The following RBFOX1 variants were observed in gnomAD, a reference collection of about 807,000 sequenced individuals.
RBFOX1 encodes RNA binding fox-1 homolog 1, also known as RNA binding protein fox-1 homolog 1.
A neutral mutation model predicts 57.7 loss-of-function variants in RBFOX1; 8 were observed. That is an observed-to-expected ratio of 0.14 (90% CI 0.08 to 0.25). RBFOX1 has a LOEUF of 0.25. RBFOX1 is among the 10% of genes least tolerant of loss of function. The pLI is 1.00. For missense variants in RBFOX1, 611 were observed against 548.5 expected, an observed-to-expected ratio of 1.11 and a Z score of -1.14; for synonymous variants, 326 against 222.4, an observed-to-expected ratio of 1.47 and a Z score of -4.15.
At chr16:6,049,005 ATC>A (rs2152431576) in intron 1 of RBFOX1, among the ~76,000 whole-genome samples, 1 of 142,140 alleles carries the variant, frequency 7.0e-6, no homozygotes, top group South Asian at 2.4e-4. Context: ...CATTTTGATG[ATC>A]ATCCTTGTGC....
intron 4 of RBFOX1, among the ~76,000 whole-genome samples, chr16:7,504,517 A>G (rs1220267491): frequency 6.7e-6 from 1 of 150,206 alleles, no homozygotes; most frequent in Non-Finnish European, 1.5e-5. Flanking sequence ...TCTCACAAAT[A>G]TCACCTCTTA....
chr16:5,967,968 C>T (rs551351795), intron 4 of RBFOX1, among the ~76,000 whole-genome samples: 32 of 152,280 alleles, frequency 2.1e-4, no homozygotes, highest in African/African-American at 7.5e-4. Context: ...ATATATGTTA[C>T]TTATGACTAC....
intron 1 of RBFOX1, among the ~76,000 whole-genome samples, chr16:6,155,168 G>T (rs2096829709): frequency 1.3e-5 from 2 of 152,196 alleles, no homozygotes; most frequent in South Asian, 4.1e-4. Flanking sequence ...GGAAAAAGTA[G>T]TCCGGAGTGA....
chr16:7,106,950 G>A (rs17142279), intron 4 of RBFOX1, among the ~76,000 whole-genome samples: 1,439 of 130,066 alleles, frequency 0.011, 13 homozygotes, highest in Middle Eastern at 0.02. Flanking sequence ...CTAATCCTAC[G>A]AAGCTTGCAT....
At chr16:5,980,197 GC>G (rs754454442) in intron 4 of RBFOX1, among the ~76,000 whole-genome samples, 57 of 152,330 alleles carry the variant, frequency 3.7e-4, no homozygotes, top group Admixed American at 1.2e-3. Context: ...GTGTTAAAAT[GC>G]TTTAATGTCT....
intron 3 of RBFOX1, among the ~76,000 whole-genome samples, chr16:5,745,846 G>T (rs538732210): frequency 2.8e-4 from 43 of 152,136 alleles, no homozygotes; most frequent in African/African-American, 8.9e-4. Flanking sequence ...TACCCCTTTG[G>T]CAGATGAGTA....
chr16:5,608,584 A>G (rs538035815), intron 3 of RBFOX1, among the ~76,000 whole-genome samples: 2 of 152,330 alleles, frequency 1.3e-5, no homozygotes, highest in East Asian at 3.9e-4. Context: ...TCAACGAGTT[A>G]ATATAGGTAA....
chr16:5,427,850 C>T (rs1454960734), intron 1 of RBFOX1, among the ~76,000 whole-genome samples: 3 of 152,138 alleles, frequency 2.0e-5, no homozygotes, highest in Non-Finnish European at 2.9e-5. Context: ...ACAAAACTAC[C>T]CTCCCAGAAA....
intron 4 of RBFOX1, among the ~76,000 whole-genome samples, chr16:7,292,637 C>T (rs1173271454): frequency 6.6e-6 from 1 of 151,140 alleles, no homozygotes; most frequent in Non-Finnish European, 1.5e-5. Context: ...CGAAGTGATG[C>T]CAAGCGAGAG....
At chr16:7,434,979 A>G (rs753185492) in intron 4 of RBFOX1, among the ~76,000 whole-genome samples, 26 of 152,132 alleles carry the variant, frequency 1.7e-4, no homozygotes, top group Admixed American at 5.2e-4. Flanking sequence ...ACCTTCAGTG[A>G]TCCGCCTGCC....
chr16:5,701,060 T>C (rs1344136), intron 3 of RBFOX1, among the ~76,000 whole-genome samples: 4 of 152,224 alleles, frequency 2.6e-5, no homozygotes, highest in African/African-American at 9.7e-5. Flanking sequence ...TTTTCTTCTT[T>C]TAATAGCCTC....
chr16:5,339,846 C>G (rs2064995913), intron 1 of RBFOX1, among the ~76,000 whole-genome samples: 1 of 152,004 alleles, frequency 6.6e-6, no homozygotes. Context: ...AGAGCTTTCC[C>G]AGCCCGGGGA....
chr16:6,838,527 A>T (rs1379491072), intron 3 of RBFOX1, among the ~76,000 whole-genome samples: 2 of 152,180 alleles, frequency 1.3e-5, no homozygotes, highest in Non-Finnish European at 2.9e-5. Context: ...TGCAACTGCA[A>T]AACTGCTTCT....
intron 4 of RBFOX1, among the ~76,000 whole-genome samples, chr16:5,965,173 C>A (rs9936018): frequency 0.039 from 5,984 of 152,168 alleles, 384 homozygotes; most frequent in African/African-American, 0.13. Flanking sequence ...TCTGTTTATA[C>A]CACACAGTAT....
At chr16:7,609,664 C>G (rs1484227143) in intron 10 of RBFOX1, among the ~76,000 whole-genome samples, 1 of 152,148 alleles carries the variant, frequency 6.6e-6, no homozygotes, top group Non-Finnish European at 1.5e-5. Context: ...TGGCGATTTT[C>G]CAAATGAGGA....
At chr16:5,989,350 A>C (rs1300241059) in intron 4 of RBFOX1, among the ~76,000 whole-genome samples, 5 of 151,914 alleles carry the variant, frequency 3.3e-5, no homozygotes, top group Non-Finnish European at 7.4e-5. Flanking sequence ...GAACAAAACA[A>C]ACAAAAAAAC....
chr16:5,829,951 G>T (rs980166974), intron 3 of RBFOX1, among the ~76,000 whole-genome samples: 5 of 152,302 alleles, frequency 3.3e-5, no homozygotes, highest in Admixed American at 1.3e-4. Flanking sequence ...AAGACCCTTA[G>T]GAGCAAGGAT....
At chr16:7,105,073 C>A (rs1025712480) in intron 4 of RBFOX1, among the ~76,000 whole-genome samples, 1 of 152,090 alleles carries the variant, frequency 6.6e-6, no homozygotes, top group Non-Finnish European at 1.5e-5. Context: ...TAGCTGAGCC[C>A]TTTGAGCTGA....
At chr16:5,538,906 C>G (rs1241856246) in intron 2 of RBFOX1, among the ~76,000 whole-genome samples, 1 of 151,662 alleles carries the variant, frequency 6.6e-6, no homozygotes, top group Non-Finnish European at 1.5e-5. Context: ...GATTCTGACA[C>G]CTTGCACAAT....
Sources: gnomAD v4.1 joint callset for allele counts (sites outside exome capture counted in the v4.1 genomes callset) on GRCh38, gnomAD v4.1.1 for gene constraint, MANE v1.5 for transcripts, NCBI Gene and HGNC (gene_info 2026-07-23, HGNC 2026-07-21) for gene names.